ZSCAN26: variants seen among roughly 807,000 people sequenced by gnomAD.
ZSCAN26 encodes the protein zinc finger and SCAN domain-containing protein 26.
Under a neutral mutation model 23.0 loss-of-function variants are expected in ZSCAN26, and 26 were observed. The ratio of observed to expected loss-of-function variants is 1.13; its 90% CI spans 0.83 to 1.57. The LOEUF (loss-of-function observed/expected upper bound fraction) is 1.57, where lower values mean the gene tolerates loss of function less well. Among genes scored for constraint, ZSCAN26 ranks in the 40% most tolerant of loss-of-function variants. ZSCAN26 has a pLI of 0.00. For missense variants in ZSCAN26, 528 were observed against 568.5 expected (o/e 0.93, Z 0.72); for synonymous variants, 180 against 202.5 (o/e 0.89, Z 0.94).
In ZSCAN26 at chr6:28,276,448, G is replaced by C. The variant is rs758532457; in HGVS notation, c.792G>C (p.Val264=). Residue 264 remains valine (V), a synonymous_variant, in exon 4 of 4, where the codon GTG becomes GTC. Coordinates refer to ENST00000421553, the MANE Select transcript of ZSCAN26 (RefSeq NM_001023560.4). ...HTGKKLCESD[V]CQSSSLTGHK... Reference sequence around the variant, plus strand: ...GAAAGAAACTCTGCGAGTCTGATGTGTGTCAGAGTTCCAGTCTTACAGGAC... The same window carrying C: ...GAAAGAAACTCTGCGAGTCTGATGTCTGTCAGAGTTCCAGTCTTACAGGAC... 37 of 1,613,912 alleles carry C rather than the reference G, an allele frequency of 2.3e-5. No individual in the cohort carries two copies. Among genetic ancestry groups the C allele is most frequent in the Non-Finnish European group, 2.0e-5 (24 of 1,179,886 alleles).
At chr6:28,267,685 G>GGA (rs1218193160) in intron 1 of ZSCAN26, among the ~76,000 whole-genome samples, 7 of 152,192 alleles carry the variant, frequency 4.6e-5, no homozygotes, top group African/African-American at 1.4e-4. Context: ...ATTGGGGTAT[G>GGA]GAGAGGAAGA....
At position 28,272,190 on chromosome 6, in the gene ZSCAN26, C is replaced by T; in HGVS notation, c.271C>T (p.Leu91=). The T allele has an allele frequency of 1.9e-6, 3 of 1,614,082 alleles. No individual in the cohort carries two copies. The highest frequency in any genetic ancestry group is 2.5e-6 in the Non-Finnish European group (3 of 1,180,024). Residue 91 remains leucine, a synonymous_variant, in exon 2 of 4, where the codon CTG becomes TTG. Coordinates refer to ENST00000421553, the MANE Select transcript of ZSCAN26 (RefSeq NM_001023560.4). ...QPETHTKEQI[L]ELLVLEQFLI... The stretch of plus-strand genomic sequence containing the variant: ...CGAGACCCATACCAAGGAGCAGATC[C>T]TGGAGCTGCTGGTGCTGGAGCAGTT...
chr6:28,272,542 T>C, intron 2 of ZSCAN26, 128 bp from the exon 3 acceptor site: 1 of 1,005,066 alleles, frequency 9.9e-7, no homozygotes, highest in Non-Finnish European at 1.4e-6. Flanking sequence ...AGATTCCCCA[T>C]CTTCTTTTCT....
At position 28,277,514 on chromosome 6, in the gene ZSCAN26, C is replaced by A. The variant is rs1762001531; in HGVS notation, c.*418C>A. 2.3e-5 allele frequency: 4 copies of A among 173,736 alleles called. No homozygotes were observed. In the South Asian group the frequency reaches 5.8e-4, roughly 25 times the overall value. 10.8% of individuals were successfully genotyped at this position (173,736 alleles called of 1,614,324 possible). A position where few individuals can be genotyped will look rare whatever the true frequency, so the allele number is the denominator to read the frequency against. On this transcript the variant is annotated 3_prime_UTR_variant, in exon 4 of 4. Transcript: ENST00000421553. Reference sequence around the variant, plus strand: ...AGCAGCTTTCTCCTATGAAATAAAACTGATGATGTTTGGAAGTATACTACT... The same window carrying A: ...AGCAGCTTTCTCCTATGAAATAAAAATGATGATGTTTGGAAGTATACTACT...
chr6:28,276,760 G>A lies in ZSCAN26; in HGVS notation c.1104G>A (p.Glu368=), dbSNP rs1169495278. The A allele has an allele frequency of 6.2e-7, 1 of 1,613,794 alleles. No individual in the cohort carries two copies. The highest frequency in any genetic ancestry group is 8.5e-7 in the Non-Finnish European group (1 of 1,179,856). ...QRIHSQEEPC[E]CKECGKTFSQ... ...TTCACAGTCAGGAGGAGCCCTGTGAGTGCAAGGAGTGTGGAAAAACCTTTA... is the reference window on the plus strand; with the variant it reads ...TTCACAGTCAGGAGGAGCCCTGTGAATGCAAGGAGTGTGGAAAAACCTTTA... Residue 368 remains glutamate, a synonymous_variant, in exon 4 of 4, where the codon GAG becomes GAA. Transcript: ENST00000421553.
At chr6:28,273,632 T>G (rs545425132) in intron 3 of ZSCAN26, among the ~76,000 whole-genome samples, 1 of 151,216 alleles carries the variant, frequency 6.6e-6, no homozygotes, top group Non-Finnish European at 1.5e-5. Context: ...TTTTTTAACA[T>G]TTCCTTCAAA....
chr6:28,273,054 T>C (rs1761772358), intron 3 of ZSCAN26, among the ~76,000 whole-genome samples: 1 of 152,120 alleles, frequency 6.6e-6, no homozygotes, highest in Non-Finnish European at 1.5e-5. Flanking sequence ...CTGAACAAAA[T>C]AGCAAGAAAA....
chr6:28,268,055 A>C (rs1761516388), intron 1 of ZSCAN26, among the ~76,000 whole-genome samples: 1 of 152,146 alleles, frequency 6.6e-6, no homozygotes, highest in Admixed American at 6.5e-5. Context: ...CTGTGGGTGC[A>C]AGAGATACTG....
rs1761971845 is a variant in ZSCAN26 at position 28,276,929 on chromosome 6, T to C, written c.1273T>C (p.Cys425Arg). 6.2e-7 allele frequency: 1 copy of C among 1,613,830 alleles called. No individual in the cohort carries two copies. The highest frequency in any genetic ancestry group is 1.3e-5 in the African/African-American group (1 of 74,916). The change falls in exon 4 of 4, where the codon TGT (cysteine) becomes CGT (arginine). Residue 425 changes from cysteine to arginine, a missense_variant. By Grantham distance (180) the Cys-to-Arg change is radical. Coordinates refer to ENST00000421553, the MANE Select transcript of ZSCAN26 (RefSeq NM_001023560.4). ...TCATACTGGAGAAAAACCTTTCAAG[T>C]GTAACATATGCCAGAAAGCCTTCCG... ...RIHTGEKPFK[C>R]NICQKAFRLN...
At position 28,277,073 on chromosome 6, in the gene ZSCAN26, C is replaced by T. The variant is rs1761982644; in HGVS notation, c.1417C>T (p.His473Tyr). 6.2e-7 allele frequency: 1 copy of T among 1,613,376 alleles called. No individual in the cohort carries two copies. Among genetic ancestry groups the T allele is most frequent in the African/African-American group, 1.3e-5 (1 of 74,984 alleles). ...AGGTCTTTTTCAACATCAGAGATAT[C>T]ACCACAAAGACAAACTGGCTTGATG... ...RSGLFQHQRYHHKDKLA is the reference protein window; with the variant it reads ...RSGLFQHQRYYHKDKLA Residue 473 changes from histidine to tyrosine, a missense_variant, in exon 4 of 4, where the codon CAC (histidine) becomes TAC (tyrosine). Coordinates refer to ENST00000421553, the MANE Select transcript of ZSCAN26 (RefSeq NM_001023560.4).
Position 28,272,357 on chromosome 6 carries a change from T to C in ZSCAN26, c.420+18T>C. ...AACAGGTGGTAAGGGTCAGATGTGCTCTTTTTCAGGAATGCAGGAATTGAG... is the reference window on the plus strand; with the variant it reads ...AACAGGTGGTAAGGGTCAGATGTGCCCTTTTTCAGGAATGCAGGAATTGAG... On this transcript the variant is annotated intron_variant, in intron 2 of 3. Coordinates refer to ENST00000421553, the MANE Select transcript of ZSCAN26 (RefSeq NM_001023560.4). 1 of 1,482,172 alleles carries C rather than the reference T, an allele frequency of 6.7e-7. No individual in the cohort carries two copies. The highest frequency in any genetic ancestry group is 9.0e-7 in the Non-Finnish European group (1 of 1,115,000). 91.8% of individuals were successfully genotyped at this position (1,482,172 alleles called of 1,614,324 possible).
Position 28,272,051 on chromosome 6 carries a change from C to T in ZSCAN26, c.132C>T (p.Gly44=). 1 of 1,554,018 alleles carries T rather than the reference C, an allele frequency of 6.4e-7. No homozygotes were observed. The highest frequency in any genetic ancestry group is 1.4e-5 in the African/African-American group (1 of 73,232). The change falls in exon 2 of 4, where the codon GGC becomes GGT. Residue 44 remains glycine, a synonymous_variant. Coordinates refer to ENST00000421553, the MANE Select transcript of ZSCAN26 (RefSeq NM_001023560.4). ...TCAAGCTGCAAGGAAACAGTAAAGG[C>T]CTTGGACAGGAGCCATTGTGCAAAC... is the stretch of plus-strand genomic sequence containing the variant. ...QGFKLQGNSK[G]LGQEPLCKQF...
intron 1 of ZSCAN26, among the ~76,000 whole-genome samples, chr6:28,271,631 A>T (rs537093486): frequency 1.8e-4 from 28 of 152,308 alleles, no homozygotes; most frequent in African/African-American, 6.3e-4. Flanking sequence ...GCCTAGCCTC[A>T]GTTATTTTGA....
intron 2 of ZSCAN26, 50 bp from the exon 3 acceptor site, chr6:28,272,620 C>T: frequency 6.8e-7 from 1 of 1,474,092 alleles, no homozygotes; most frequent in Non-Finnish European, 9.2e-7. Context: ...CAGCAGTTTC[C>T]TAAACCCACA....
Position 28,272,378 on chromosome 6 carries a change from T to A in ZSCAN26, c.420+39T>A, listed in dbSNP as rs1433975542. On this transcript the variant is annotated intron_variant, in intron 2 of 3. Coordinates refer to ENST00000421553, the MANE Select transcript of ZSCAN26 (RefSeq NM_001023560.4). ...GTGCTCTTTTTCAGGAATGCAGGAA[T>A]TGAGATCTCTGGCCAGACAGGTGGA... 4 of 1,467,638 alleles carry A rather than the reference T, an allele frequency of 2.7e-6. No homozygotes were observed. In the African/African-American group the frequency reaches 4.3e-5, roughly 16 times the overall value. 90.9% of individuals were successfully genotyped at this position (1,467,638 alleles called of 1,614,324 possible). A position where few individuals can be genotyped will look rare whatever the true frequency, so the allele number is the denominator to read the frequency against.
chr6:28,267,393 A>T (rs1023244560), intron 1 of ZSCAN26, 180 bp downstream of exon 1: 2 of 152,138 alleles, frequency 1.3e-5, no homozygotes, highest in African/African-American at 4.8e-5. Context: ...TGGTAAACAG[A>T]GTACAACCTT....
intron 3 of ZSCAN26, 40 bp downstream of exon 3, chr6:28,272,827 G>A (rs551974091): frequency 8.4e-6 from 13 of 1,540,202 alleles, no homozygotes; most frequent in South Asian, 8.0e-5. Context: ...GAGACGTGGT[G>A]GACTGTGCCT....
At position 28,277,029 on chromosome 6, in the gene ZSCAN26, A is replaced by G; in HGVS notation, c.1373A>G (p.Glu458Gly). 6.2e-7 allele frequency: 1 copy of G among 1,614,034 alleles called. No homozygotes were observed. Residue 458 changes from glutamate to glycine, a missense_variant, in exon 4 of 4, where the codon GAA (glutamate) becomes GGA (glycine). Coordinates refer to ENST00000421553, the MANE Select transcript of ZSCAN26 (RefSeq NM_001023560.4). ...CCCTATCAGTGTAGTGAATGTGGAG[A>G]AGCCTTCAGGCAAAGGTCAGGTCTT... ...EKPYQCSECGEAFRQRSGLFQ... is the reference protein window; with the variant it reads ...EKPYQCSECGGAFRQRSGLFQ...
At chr6:28,274,327 C>T (rs1761848322) in intron 3 of ZSCAN26, among the ~76,000 whole-genome samples, 1 of 152,170 alleles carries the variant, frequency 6.6e-6, no homozygotes, top group Non-Finnish European at 1.5e-5. Flanking sequence ...CTTCAAATTA[C>T]CTTTCTTCTG....
Sources: allele counts gnomAD v4.1 joint callset (sites outside exome capture counted in the v4.1 genomes callset), GRCh38; gene constraint gnomAD v4.1.1; transcripts MANE v1.5; gene names NCBI Gene and HGNC (gene_info 2026-07-23, HGNC 2026-07-21).